The following NRXN3 variants were observed in gnomAD, a reference collection of about 807,000 sequenced individuals.
The protein encoded by NRXN3 is neurexin III.
Under a neutral mutation model 137.6 loss-of-function variants are expected in NRXN3, and 32 were observed. The observed-to-expected ratio is 0.23, with a 90% CI of 0.18 to 0.31. The LOEUF (loss-of-function observed/expected upper bound fraction) is 0.31. Ranked by LOEUF, NRXN3 falls within the 10% of genes least tolerant of loss-of-function variation. The pLI is 1.00. For synonymous variants in NRXN3, 798 were observed against 784.5 expected, an observed-to-expected ratio of 1.02 and a Z score of -0.29; for missense variants, 1,574 against 2,062.5, an observed-to-expected ratio of 0.76 and a Z score of 4.59.
chr14:79,549,542 G>A (rs529189285), intron 16 of NRXN3, among the ~76,000 whole-genome samples: 14 of 152,090 alleles, frequency 9.2e-5, no homozygotes, highest in African/African-American at 2.2e-4. Context: ...TGCTCTACAC[G>A]TGTATGCTTG....
chr14:78,862,440 A>G (rs988496767), intron 10 of NRXN3, among the ~76,000 whole-genome samples: 1 of 152,092 alleles, frequency 6.6e-6, no homozygotes, highest in Non-Finnish European at 1.5e-5. Context: ...GGTTAGTAAA[A>G]TGTTCAGTAC....
intron 8 of NRXN3, among the ~76,000 whole-genome samples, chr14:78,793,864 C>T (rs569384584): frequency 6.6e-6 from 1 of 152,178 alleles, no homozygotes; most frequent in Non-Finnish European, 1.5e-5. Context: ...ATTCCATGAG[C>T]TCAATACACA....
At chr14:78,305,459 T>A (rs951269620) in intron 4 of NRXN3, among the ~76,000 whole-genome samples, 1 of 152,138 alleles carries the variant, frequency 6.6e-6, no homozygotes, top group African/African-American at 2.4e-5. Context: ...CCATGTAGAT[T>A]TGATCACTGG....
intron 10 of NRXN3, among the ~76,000 whole-genome samples, chr14:78,846,942 T>C (rs1010684298): frequency 1.3e-5 from 2 of 152,120 alleles, no homozygotes; most frequent in African/African-American, 2.4e-5. Context: ...TTGTGAAGAC[T>C]ATTGCATGCG....
intron 15 of NRXN3, among the ~76,000 whole-genome samples, chr14:79,321,136 C>A (rs1453699657): frequency 6.6e-6 from 1 of 151,864 alleles, no homozygotes; most frequent in Non-Finnish European, 1.5e-5. Context: ...CTTTGTAGTT[C>A]CCTGAATTGC....
intron 17 of NRXN3, among the ~76,000 whole-genome samples, chr14:79,688,844 AAATGTAT>A (rs2098705294): frequency 6.6e-6 from 1 of 152,202 alleles, no homozygotes; most frequent in African/African-American, 2.4e-5. Context: ...AGAAGAGGCC[AAATGTAT>A]AATGTTCTCA....
intron 4 of NRXN3, among the ~76,000 whole-genome samples, chr14:78,462,621 A>T (rs917396590): frequency 6.6e-6 from 1 of 152,196 alleles, no homozygotes; most frequent in Non-Finnish European, 1.5e-5. Flanking sequence ...TAAGAGGAGA[A>T]TTCATGCTTT....
chr14:78,761,946 G>A (rs1363711840), intron 8 of NRXN3, among the ~76,000 whole-genome samples: 1 of 152,132 alleles, frequency 6.6e-6, no homozygotes, highest in Non-Finnish European at 1.5e-5. Flanking sequence ...TCTCATAATA[G>A]TTTGTATCAA....
rs7153561 is a variant in NRXN3 at position 78,816,954 on chromosome 14, T to C, written c.2275+6610T>C. Among the ~76,000 whole-genome samples the C allele has an allele frequency of 6.5e-3, 992 of 152,356 alleles. 8 individuals are homozygous for C. Among genetic ancestry groups the C allele is most frequent in the Non-Finnish European group, 0.011 (732 of 68,014 alleles). ...TAGGGATCATTGTCATTCATGACTT[T>C]GGTGACAACTTATATCAGAAATCTT... On this transcript the variant is annotated intron_variant, in intron 10 of 20. Transcript: ENST00000335750.
chr14:78,624,175 A>G (rs576597961), intron 4 of NRXN3, among the ~76,000 whole-genome samples: 1 of 152,356 alleles, frequency 6.6e-6, no homozygotes, highest in East Asian at 1.9e-4. Flanking sequence ...AAATGGAGTC[A>G]GGATAAGCAT....
At chr14:79,069,505 G>T (rs77739749) in intron 15 of NRXN3, among the ~76,000 whole-genome samples, 41 of 151,734 alleles carry the variant, frequency 2.7e-4, no homozygotes, top group African/African-American at 9.7e-4. Context: ...AGTGCTAAGT[G>T]CTACAAAGAG....
chr14:79,416,450 AT>A (rs1259536836), intron 15 of NRXN3, among the ~76,000 whole-genome samples: 1 of 152,178 alleles, frequency 6.6e-6, no homozygotes, highest in African/African-American at 2.4e-5. Context: ...CCAGAAAGTT[AT>A]TGAAATTTTA....
intron 16 of NRXN3, among the ~76,000 whole-genome samples, chr14:79,492,845 A>G (rs896650894): frequency 2.0e-5 from 3 of 152,110 alleles, no homozygotes; most frequent in African/African-American, 2.4e-5. Flanking sequence ...GACATCGTCA[A>G]TTCTACCGTG....
intron 10 of NRXN3, among the ~76,000 whole-genome samples, chr14:78,885,262 G>C (rs2099140349): frequency 6.6e-6 from 1 of 150,694 alleles, no homozygotes; most frequent in African/African-American, 2.4e-5. Context: ...GACTCATAAA[G>C]AGCATTCATT....
At chr14:79,458,486 A>C (rs1180320060) in intron 15 of NRXN3, among the ~76,000 whole-genome samples, 1 of 152,130 alleles carries the variant, frequency 6.6e-6, no homozygotes, top group Non-Finnish European at 1.5e-5. Context: ...TGGCAACGTG[A>C]AGATATGTAA....
chr14:78,796,789 A>T (rs906783222), intron 8 of NRXN3, among the ~76,000 whole-genome samples: 3 of 152,132 alleles, frequency 2.0e-5, no homozygotes, highest in African/African-American at 7.2e-5. Flanking sequence ...CTTAAACGTG[A>T]TCTCTCAACC....
intron 10 of NRXN3, among the ~76,000 whole-genome samples, chr14:78,841,802 C>A (rs1323189372): frequency 6.6e-6 from 1 of 152,070 alleles, no homozygotes; most frequent in Non-Finnish European, 1.5e-5. Flanking sequence ...GCCTTGATTA[C>A]CTCTCACCAA....
At chr14:78,300,045 G>A (rs532451246) in intron 4 of NRXN3, among the ~76,000 whole-genome samples, 9 of 152,140 alleles carry the variant, frequency 5.9e-5, no homozygotes, top group Middle Eastern at 3.4e-3. Flanking sequence ...CTAAAAAACC[G>A]ATACTCTTCT....
At chr14:79,200,594 A>G (rs1026692523) in intron 15 of NRXN3, among the ~76,000 whole-genome samples, 2 of 152,168 alleles carry the variant, frequency 1.3e-5, no homozygotes, top group Non-Finnish European at 2.9e-5. Context: ...GTCCGTAGAA[A>G]CACATCTCTG....
Sources: gnomAD v4.1 joint callset for allele counts (sites outside exome capture counted in the v4.1 genomes callset) on GRCh38, gnomAD v4.1.1 for gene constraint, MANE v1.5 for transcripts, NCBI Gene and HGNC (gene_info 2026-07-23, HGNC 2026-07-21) for gene names.